Variants in CHRM3 observed in about 807,000 individuals in gnomAD.
The protein encoded by CHRM3 is muscarinic acetylcholine receptor M3.
A neutral mutation model predicts 41.8 loss-of-function variants in CHRM3; 11 were observed. The observed-to-expected ratio is 0.26, with a 90% CI of 0.17 to 0.44. The LOEUF is 0.44. Among genes scored for constraint, CHRM3 ranks in the 20% least tolerant of loss-of-function variants. The probability of loss-of-function intolerance (pLI) is 1.00; values close to 1 mark genes in which losing one functional copy is unlikely to be tolerated. For synonymous variants in CHRM3, 297 were observed against 301.4 expected (o/e 0.99, Z 0.15); for missense variants, 571 against 745.4 (o/e 0.77, Z 2.72).
intron 3 of CHRM3, among the ~76,000 whole-genome samples, chr1:239,613,847 A>G (rs6674215): frequency 0.03 from 4,548 of 152,258 alleles, 235 homozygotes; most frequent in African/African-American, 0.1. Flanking sequence ...GATGTAAAGT[A>G]CTGACAGCAG....
intron 2 of CHRM3, among the ~76,000 whole-genome samples, chr1:239,522,218 T>C (rs1669696350): frequency 6.6e-6 from 1 of 152,212 alleles, no homozygotes; most frequent in Non-Finnish European, 1.5e-5. Context: ...TCTTGCTTTC[T>C]TGAATTGCTT....
chr1:239,697,158 C>A (rs192896774), intron 5 of CHRM3, among the ~76,000 whole-genome samples: 14 of 152,232 alleles, frequency 9.2e-5, no homozygotes, highest in African/African-American at 2.2e-4. Context: ...TGTCCCCACC[C>A]AAATCTCATC....
intron 1 of CHRM3, among the ~76,000 whole-genome samples, chr1:239,441,827 G>T (rs1048483671): frequency 2.0e-5 from 3 of 152,178 alleles, no homozygotes; most frequent in Non-Finnish European, 4.4e-5. Flanking sequence ...GTTTGTGTGT[G>T]TAAGAATCCA....
intron 6 of CHRM3, among the ~76,000 whole-genome samples, chr1:239,843,390 T>C (rs1673985009): frequency 6.6e-6 from 1 of 151,234 alleles, no homozygotes; most frequent in African/African-American, 2.4e-5. Context: ...TTTAACCTAA[T>C]CTCTTAGATT....
intron 3 of CHRM3, among the ~76,000 whole-genome samples, chr1:239,575,192 CT>C (rs1662218795): frequency 6.6e-6 from 1 of 152,080 alleles, no homozygotes; most frequent in African/African-American, 2.4e-5. Flanking sequence ...GTAAGTTTCT[CT>C]TTTTGTAAAA....
chr1:239,727,842 C>T (rs1415559762), intron 5 of CHRM3: 1 of 151,922 alleles, frequency 6.6e-6, no homozygotes, highest in Non-Finnish European at 1.5e-5. Context: ...ACAAGGACAC[C>T]TTAAGCACAT....
At chr1:239,829,520 A>G (rs1672732303) in intron 6 of CHRM3, among the ~76,000 whole-genome samples, 1 of 152,142 alleles carries the variant, frequency 6.6e-6, no homozygotes, top group Non-Finnish European at 1.5e-5. Context: ...GCTATCTGTT[A>G]CTGTATTTTA....
At chr1:239,561,078 T>C (rs2148489252) in intron 3 of CHRM3, among the ~76,000 whole-genome samples, 1 of 152,302 alleles carries the variant, frequency 6.6e-6, no homozygotes, top group Admixed American at 6.5e-5. Flanking sequence ...GCAGGCACCA[T>C]CTGGTTCATC....
intron 5 of CHRM3, among the ~76,000 whole-genome samples, chr1:239,726,967 G>A (rs1351294688): frequency 6.6e-6 from 1 of 151,854 alleles, no homozygotes; most frequent in African/African-American, 2.4e-5. Context: ...TCTAGACTTA[G>A]TAACTTTTAG....
chr1:239,749,416 C>A (rs1258438702), intron 5 of CHRM3, among the ~76,000 whole-genome samples: 1 of 152,122 alleles, frequency 6.6e-6, no homozygotes. Context: ...TGCCTGTAAT[C>A]CCAGCACTTT....
At position 239,908,796 on chromosome 1, in the gene CHRM3, A is replaced by G. The variant is rs926367319; in HGVS notation, c.1345A>G (p.Lys449Glu). The change falls in exon 7 of 7, where the codon AAG becomes GAG. Residue 449 changes from lysine to glutamate, a missense_variant. Coordinates refer to ENST00000676153, the MANE Select transcript of CHRM3 (RefSeq NM_001375978.1). The surrounding 1 kb of genome is among the most constrained non-coding windows in gnomAD (Gnocchi z 7.2). ...TTCTGACGTCAACTCCTCAGTGGGT[A>G]AGAGCACGGCCACTCTACCTCTGTC... is the stretch of plus-strand genomic sequence containing the variant. ...KTSDVNSSVG[K>E]STATLPLSFK... 2 of 1,614,024 alleles carry G rather than the reference A, an allele frequency of 1.2e-6. No individual in the cohort carries two copies. Among genetic ancestry groups the G allele is most frequent in the Non-Finnish European group, 1.7e-6 (2 of 1,180,032 alleles).
At chr1:239,468,649 T>C (rs1037563715) in intron 1 of CHRM3, among the ~76,000 whole-genome samples, 17 of 152,238 alleles carry the variant, frequency 1.1e-4, no homozygotes, top group Non-Finnish European at 2.1e-4. Context: ...ATTTGACATA[T>C]TGAAATTTAA....
intron 1 of CHRM3, among the ~76,000 whole-genome samples, chr1:239,410,646 G>A (rs2103040123): frequency 6.6e-6 from 1 of 152,218 alleles, no homozygotes; most frequent in Non-Finnish European, 1.5e-5. Flanking sequence ...CTCTCTGGAG[G>A]GGTTCTGCCC....
chr1:239,892,812 C>T (rs965188884), intron 6 of CHRM3, among the ~76,000 whole-genome samples: 1 of 152,176 alleles, frequency 6.6e-6, no homozygotes, highest in East Asian at 1.9e-4. Flanking sequence ...TAGCCAAGGA[C>T]ATAATGTGCC....
At chr1:239,610,312 T>C (rs1372206058) in intron 3 of CHRM3, among the ~76,000 whole-genome samples, 1 of 151,628 alleles carries the variant, frequency 6.6e-6, no homozygotes, top group Non-Finnish European at 1.5e-5. Context: ...CTTAAAAGAA[T>C]AATCAAGAAT....
At position 239,689,316 on chromosome 1, in the gene CHRM3, C is replaced by G. The variant is rs1659482098; in HGVS notation, c.-147+11028C>G. ...ATTGAAATGTCAAAAATGTAAGATG[C>G]AGGAGGATAAGGAACCAATGTTGCC... is the stretch of plus-strand genomic sequence containing the variant. On this transcript the variant is annotated intron_variant, in intron 5 of 6. Coordinates refer to ENST00000676153, the MANE Select transcript of CHRM3 (RefSeq NM_001375978.1). Among the ~76,000 whole-genome samples, 4 of 151,880 alleles carry G rather than the reference C, an allele frequency of 2.6e-5. No homozygotes were observed. The South Asian group carries it at 8.3e-4, about 32-fold the overall frequency.
chr1:239,861,226 T>C (rs1675612915), intron 6 of CHRM3, among the ~76,000 whole-genome samples: 1 of 152,050 alleles, frequency 6.6e-6, no homozygotes, highest in Non-Finnish European at 1.5e-5. Context: ...AATAATCACA[T>C]AAATAAACAT....
intron 2 of CHRM3, among the ~76,000 whole-genome samples, chr1:239,531,378 A>C (rs1670391394): frequency 6.6e-6 from 1 of 152,174 alleles, no homozygotes; most frequent in South Asian, 2.1e-4. Context: ...TTTACTTAGC[A>C]TATGCAAGAC....
chr1:239,611,528 C>G (rs1340843450), intron 3 of CHRM3, among the ~76,000 whole-genome samples: 2 of 144,086 alleles, frequency 1.4e-5, no homozygotes, highest in East Asian at 4.4e-4. Context: ...TCAAGGGATT[C>G]TCCCGCCTCC....
Sources: gnomAD v4.1 joint callset for allele counts (sites outside exome capture counted in the v4.1 genomes callset) on GRCh38, gnomAD v4.1.1 for gene constraint, Gnocchi (gnomAD v3.1) non-coding constraint, MANE v1.5 for transcripts, NCBI Gene and HGNC (gene_info 2026-07-23, HGNC 2026-07-21) for gene names.